Variants in POLA1 observed in about 807,000 individuals in gnomAD.
The protein encoded by POLA1 is DNA polymerase alpha 1, catalytic subunit.
POLA1 carries 15 observed loss-of-function variants against 124.0 expected under a neutral mutation model. That is an observed-to-expected ratio of 0.12 (90% confidence interval 0.08 to 0.19). The LOEUF (loss-of-function observed/expected upper bound fraction) is 0.19, where lower values mean the gene tolerates loss of function less well. Ranked by LOEUF, POLA1 falls within the 10% of genes least tolerant of loss-of-function variation. The probability of loss-of-function intolerance (pLI) is 1.00; values close to 1 mark genes in which losing one functional copy is unlikely to be tolerated. For missense variants in POLA1, 886 were observed against 1,103.4 expected (o/e 0.80, Z 2.79); for synonymous variants, 408 against 389.4 (o/e 1.05, Z -0.56).
chrX:24,955,115 TTTTG>T (rs760127111), intron 36 of POLA1, among the ~76,000 whole-genome samples: 57 of 111,180 alleles, frequency 5.1e-4, no homozygotes, highest in African/African-American at 1.1e-3. Flanking sequence ...TTTGTTTGTT[TTTTG>T]TTTGTTTGTT....
In POLA1 at chrX:24,722,862, T is replaced by C. The variant is rs748758978; in HGVS notation, c.1088-293T>C. 2.7e-5 allele frequency among the ~76,000 whole-genome samples: 3 copies of C among 112,389 alleles called. No homozygotes were observed. In the East Asian group the frequency reaches 8.4e-4, roughly 31 times the overall value. On this transcript the variant is annotated intron_variant, in intron 10 of 36. Coordinates refer to ENST00000379068, the MANE Select transcript of POLA1 (RefSeq NM_001330360.2). ...GCCACTGTGCTCGGCCTGTTTTGTT[T>C]CTCTTAATCTGTATAATCCTGGTTG...
intron 36 of POLA1, among the ~76,000 whole-genome samples, chrX:24,938,834 A>G (rs1408106016): frequency 1.8e-5 from 2 of 112,482 alleles, no homozygotes; most frequent in African/African-American, 6.5e-5. Flanking sequence ...ATTTTCCAAG[A>G]AATGGTCACT....
At chrX:24,714,297 G>T (rs1188142602) in intron 4 of POLA1, among the ~76,000 whole-genome samples, 3 of 111,371 alleles carry the variant, frequency 2.7e-5, no homozygotes, top group Non-Finnish European at 1.9e-5. Flanking sequence ...AGCTGGGACT[G>T]CAGGCGCCCA....
chrX:24,919,693 A>G (rs972441531), intron 35 of POLA1, among the ~76,000 whole-genome samples: 1 of 110,139 alleles, frequency 9.1e-6, no homozygotes, highest in African/African-American at 3.3e-5. Flanking sequence ...AGTTTGTTAC[A>G]TGGGTAAATG....
intron 3 of POLA1, 23 bp downstream of exon 3, chrX:24,703,370 C>A: frequency 1.1e-6 from 1 of 872,005 alleles, no homozygotes; most frequent in Non-Finnish European, 1.7e-6. Flanking sequence ...GAGGTGGGGG[C>A]GGGGATGTTG....
At chrX:24,855,478 T>C (rs184539585) in intron 34 of POLA1, among the ~76,000 whole-genome samples, 31 of 111,276 alleles carry the variant, frequency 2.8e-4, no homozygotes, top group Non-Finnish European at 4.3e-4. Flanking sequence ...TGAAACTTTG[T>C]AAGGTGTGTG....
chrX:24,941,093 T>G (rs993811896), intron 36 of POLA1, among the ~76,000 whole-genome samples: 2 of 112,225 alleles, frequency 1.8e-5, no homozygotes, highest in Non-Finnish European at 3.8e-5. Flanking sequence ...TTATTTGCCT[T>G]AACTCTATTG....
At chrX:24,737,586 T>C (rs939798608) in intron 18 of POLA1, 39 bp from the exon 19 acceptor site, 1 of 666,829 alleles carries the variant, frequency 1.5e-6, no homozygotes, top group African/African-American at 2.2e-5. Flanking sequence ...TAATTTGCAT[T>C]TGTTATAACA....
At chrX:24,729,627 G>C (rs1413082600) in intron 15 of POLA1, among the ~76,000 whole-genome samples, 3 of 111,463 alleles carry the variant, frequency 2.7e-5, no homozygotes, top group Non-Finnish European at 5.6e-5. Flanking sequence ...TGTCCTAGTA[G>C]GAAGTTGGGA....
intron 26 of POLA1, among the ~76,000 whole-genome samples, chrX:24,765,785 A>C (rs2148430585): frequency 8.9e-6 from 1 of 112,312 alleles, no homozygotes; most frequent in African/African-American, 3.2e-5. Context: ...TCAGATTTTA[A>C]GTAAAAGAGA....
At chrX:24,916,486 C>T (rs979601763) in intron 35 of POLA1, among the ~76,000 whole-genome samples, 3 of 109,870 alleles carry the variant, frequency 2.7e-5, no homozygotes, top group Non-Finnish European at 5.7e-5. Flanking sequence ...ACCATGTTGG[C>T]CAGGCTGGTC....
At chrX:24,943,494 GTATAT>G (rs1456826731) in intron 36 of POLA1, among the ~76,000 whole-genome samples, 1 of 112,060 alleles carries the variant, frequency 8.9e-6, no homozygotes, top group Non-Finnish European at 1.9e-5. Flanking sequence ...AAGTTTACTG[GTATAT>G]TATATATTGC....
At chrX:24,955,661 A>G (rs1049104913) in intron 36 of POLA1, among the ~76,000 whole-genome samples, 4 of 112,065 alleles carry the variant, frequency 3.6e-5, no homozygotes, top group Non-Finnish European at 7.5e-5. Flanking sequence ...GTGGGTTAGT[A>G]CAGTGCTCAC....
At chrX:24,828,553 C>G (rs2046210750) in intron 32 of POLA1, among the ~76,000 whole-genome samples, 1 of 111,636 alleles carries the variant, frequency 9.0e-6, no homozygotes, top group Non-Finnish European at 1.9e-5. Flanking sequence ...TCACTGTACT[C>G]CCCCCCGCTC....
chrX:24,738,140 G>A (rs942345466), intron 19 of POLA1, among the ~76,000 whole-genome samples: 14 of 95,615 alleles, frequency 1.5e-4, no homozygotes, highest in Admixed American at 2.2e-4. Flanking sequence ...GTGAACCCGG[G>A]AAGCGGAGCT....
chrX:24,923,672 G>A (rs984135360), intron 35 of POLA1, among the ~76,000 whole-genome samples: 7 of 111,832 alleles, frequency 6.3e-5, no homozygotes, highest in African/African-American at 2.3e-4. Context: ...CCTCACAAGC[G>A]GCTGATTAAT....
Position 24,996,214 on chromosome X carries a change from G to C in POLA1, c.*264G>C, listed in dbSNP as rs924575710. 4 of 254,359 alleles carry C rather than the reference G, an allele frequency of 1.6e-5. No homozygotes were observed. 21.0% of individuals were successfully genotyped at this position (254,359 alleles called of 1,213,427 possible). A position where few individuals can be genotyped will look rare whatever the true frequency, so the allele number is the denominator to read the frequency against. ...CCCCTCCCCAAGCTCCCCTCCCCAA[G>C]CTCCTGAAGACCCGGTTTCTGAGGG... On this transcript the variant is annotated 3_prime_UTR_variant, in exon 37 of 37. Transcript: ENST00000379068.
At chrX:24,753,043 T>A (rs1009564078) in intron 26 of POLA1, among the ~76,000 whole-genome samples, 1 of 110,444 alleles carries the variant, frequency 9.1e-6, no homozygotes, top group East Asian at 2.8e-4. Flanking sequence ...ATGGAATCTC[T>A]CTCTGTTGCC....
chrX:24,894,788 C>CTTTTTTTTT (rs761056089), intron 35 of POLA1, among the ~76,000 whole-genome samples: 1 of 98,605 alleles, frequency 1.0e-5, no homozygotes, highest in Non-Finnish European at 2.1e-5. Context: ...CTTTTCTTTT[C>CTTTTTTTTT]TTTTTTTTTT....
Sources: allele counts gnomAD v4.1 joint callset (sites outside exome capture counted in the v4.1 genomes callset), GRCh38; gene constraint gnomAD v4.1.1; transcripts MANE v1.5; gene names NCBI Gene and HGNC (gene_info 2026-07-23, HGNC 2026-07-21).